TBC1D19: variants seen among roughly 807,000 people sequenced by gnomAD.
TBC1D19 encodes TBC1 domain family, member 19.
In TBC1D19, 60 loss-of-function variants were observed where a neutral mutation model predicts 89.0. That is an observed-to-expected ratio of 0.67 (90% CI 0.55 to 0.84). The LOEUF is 0.84. Ranked by LOEUF, TBC1D19 falls within the 40% of genes least tolerant of loss-of-function variation. The pLI is 0.00. For missense variants in TBC1D19, 500 were observed against 610.8 expected, an observed-to-expected ratio of 0.82 and a Z score of 1.91; for synonymous variants, 189 against 199.7, an observed-to-expected ratio of 0.95 and a Z score of 0.45.
intron 3 of TBC1D19, among the ~76,000 whole-genome samples, chr4:26,619,371 A>AT (rs1487069006): frequency 6.6e-6 from 1 of 151,820 alleles, no homozygotes; most frequent in Non-Finnish European, 1.5e-5. Flanking sequence ...CGGCTGGCTA[A>AT]TTTTTTTGTA....
chr4:26,725,488 T>C (rs1717256572), intron 15 of TBC1D19, among the ~76,000 whole-genome samples: 1 of 152,138 alleles, frequency 6.6e-6, no homozygotes, highest in Non-Finnish European at 1.5e-5. Context: ...AATGAACTAC[T>C]GCAGCCTCGA....
At chr4:26,638,949 A>G in intron 6 of TBC1D19, 115 bp downstream of exon 6, 1 of 864,218 alleles carries the variant, frequency 1.2e-6, no homozygotes, top group Non-Finnish European at 1.8e-6. Flanking sequence ...TTTCCTTCTC[A>G]TTAATTTTCT....
intron 17 of TBC1D19, among the ~76,000 whole-genome samples, chr4:26,741,326 G>A (rs567775650): frequency 1.5e-5 from 2 of 131,524 alleles, no homozygotes; most frequent in African/African-American, 2.9e-5. Context: ...ACTACAGTCC[G>A]CAGTCCGGCC....
chr4:26,723,056 G>C (rs1370312971), intron 15 of TBC1D19, among the ~76,000 whole-genome samples: 1 of 152,154 alleles, frequency 6.6e-6, no homozygotes, highest in Admixed American at 6.5e-5. Context: ...GTATGTGATA[G>C]GTTCTAGAAA....
intron 7 of TBC1D19, among the ~76,000 whole-genome samples, chr4:26,645,426 T>C (rs1743849131): frequency 1.3e-5 from 2 of 152,196 alleles, no homozygotes; most frequent in African/African-American, 4.8e-5. Flanking sequence ...ATTTAATAAA[T>C]GGTGCTGGGA....
Position 26,604,309 on chromosome 4 carries a change from C to T in TBC1D19, c.100-8860C>T, listed in dbSNP as rs1044172571. 9.3e-5 allele frequency among the ~76,000 whole-genome samples: 14 copies of T among 151,310 alleles called. No individual in the cohort carries two copies. The South Asian group carries it at 1.3e-3, about 14-fold the overall frequency. On this transcript the variant is annotated intron_variant, in intron 1 of 20. Coordinates refer to ENST00000264866, the MANE Select transcript of TBC1D19 (RefSeq NM_018317.4). ...CTGGGACTACAGGCACTTGCCACCA[C>T]GCCCGGCTAATTTTTTGAATTTTTA...
intron 13 of TBC1D19, among the ~76,000 whole-genome samples, chr4:26,700,106 G>A (rs9942266): frequency 0.98 from 148,829 of 152,202 alleles, 72,845 homozygotes; most frequent in East Asian, 1. Context: ...AGAGCCTCAG[G>A]GAAGTTTAGG....
Position 26,714,342 on chromosome 4 carries a change from T to A in TBC1D19, c.955-3591T>A, listed in dbSNP as rs569634317. 7.0e-4 allele frequency among the ~76,000 whole-genome samples: 106 copies of A among 152,240 alleles called. 3 individuals are homozygous for A. In the South Asian group the frequency reaches 0.021, roughly 30 times the overall value. On this transcript the variant is annotated intron_variant, in intron 13 of 20. Coordinates refer to ENST00000264866, the MANE Select transcript of TBC1D19 (RefSeq NM_018317.4). ...TAGTTACATATGTATACATGTGCCA[T>A]GTTGTTTTAAGAAGCAGGTACCAAA...
intron 13 of TBC1D19, among the ~76,000 whole-genome samples, chr4:26,716,753 T>C (rs1386884607): frequency 6.6e-6 from 1 of 152,092 alleles, no homozygotes; most frequent in African/African-American, 2.4e-5. Context: ...TTAAGACTGA[T>C]GGGATTATGG....
At chr4:26,817,843 C>T in the TBC1D19 span, among the ~76,000 whole-genome samples, 2,153 of 151,750 alleles carry the variant, frequency 0.014, 68 homozygotes, top group African/African-American at 0.049. Flanking sequence ...TGGTGCGTGC[C>T]TATAATCCCA....
At chr4:26,735,166 ATG>A (rs2109305132) in intron 15 of TBC1D19, among the ~76,000 whole-genome samples, 1 of 151,658 alleles carries the variant, frequency 6.6e-6, no homozygotes, top group Admixed American at 6.6e-5. Flanking sequence ...GTGTATATGT[ATG>A]TACACATATA....
intron 1 of TBC1D19, among the ~76,000 whole-genome samples, chr4:26,590,807 T>TTTTTTTG (rs1739735212): frequency 8.4e-6 from 1 of 119,656 alleles, no homozygotes; most frequent in Non-Finnish European, 1.8e-5. Context: ...TTTTTTTTTT[T>TTTTTTTG]TTTTTTTTTT....
the TBC1D19 span, among the ~76,000 whole-genome samples, chr4:26,788,031 C>T: frequency 1.3e-5 from 2 of 152,190 alleles, no homozygotes; most frequent in African/African-American, 4.8e-5. Context: ...TCCCCTTAAA[C>T]CTCCTTTGTC....
the TBC1D19 span, among the ~76,000 whole-genome samples, chr4:26,781,309 G>C: frequency 6.6e-6 from 1 of 152,138 alleles, no homozygotes; most frequent in Non-Finnish European, 1.5e-5. Flanking sequence ...AAGGGGGGCT[G>C]GGTAACAAAG....
chr4:26,611,352 A>G (rs1741370513), intron 1 of TBC1D19, among the ~76,000 whole-genome samples: 2 of 151,524 alleles, frequency 1.3e-5, no homozygotes, highest in Non-Finnish European at 2.9e-5. Context: ...CTTTTTCCTT[A>G]CAGTTTATCA....
the TBC1D19 span, among the ~76,000 whole-genome samples, chr4:26,786,401 G>A: frequency 2.6e-5 from 4 of 152,120 alleles, no homozygotes; most frequent in East Asian, 1.9e-4. Context: ...TTGGAAGGCC[G>A]AGGCAGGTGG....
At chr4:26,711,355 T>G (rs1716174446) in intron 13 of TBC1D19, among the ~76,000 whole-genome samples, 1 of 152,074 alleles carries the variant, frequency 6.6e-6, no homozygotes, top group African/African-American at 2.4e-5. Flanking sequence ...AAATTTATCA[T>G]TTGAAATTTT....
At chr4:26,716,042 C>T (rs942817570) in intron 13 of TBC1D19, among the ~76,000 whole-genome samples, 1 of 152,154 alleles carries the variant, frequency 6.6e-6, no homozygotes, top group Non-Finnish European at 1.5e-5. Context: ...GTGTCACCCA[C>T]TCTTTCTCTG....
At chr4:26,753,734 G>A in intron 19 of TBC1D19, 86 bp from the exon 20 acceptor site, 1 of 1,420,068 alleles carries the variant, frequency 7.0e-7, no homozygotes, top group Non-Finnish European at 9.9e-7. Flanking sequence ...GAGTTTCCGT[G>A]CAGTGGATTT....
Sources: gnomAD v4.1 joint callset for allele counts (sites outside exome capture counted in the v4.1 genomes callset) on GRCh38, gnomAD v4.1.1 for gene constraint, MANE v1.5 for transcripts, NCBI Gene and HGNC (gene_info 2026-07-23, HGNC 2026-07-21) for gene names.